Variants in TSPEAR observed in about 807,000 individuals in gnomAD.
The protein encoded by TSPEAR is thrombospondin-type laminin G domain and EAR repeat-containing protein.
Under a neutral mutation model 71.6 loss-of-function variants are expected in TSPEAR, and 69 were observed. The ratio of observed to expected loss-of-function variants is 0.96; its 90% CI spans 0.79 to 1.18. TSPEAR has a LOEUF of 1.18. Among genes scored for constraint, TSPEAR ranks in the 50% most tolerant of loss-of-function variants. The pLI is 0.00. For missense variants in TSPEAR, 971 were observed against 894.9 expected, an observed-to-expected ratio of 1.09 and a Z score of -1.09; for synonymous variants, 402 against 387.2, an observed-to-expected ratio of 1.04 and a Z score of -0.45.
At chr21:44,709,670 G>A (rs561459960) in intron 1 of TSPEAR, among the ~76,000 whole-genome samples, 4 of 152,362 alleles carry the variant, frequency 2.6e-5, no homozygotes, top group East Asian at 1.9e-4. Flanking sequence ...AAGCTGAGAC[G>A]GCGCAGCCAC....
At chr21:44,637,441 C>T (rs1555936985) in intron 1 of TSPEAR, 10 of 1,610,354 alleles carry the variant, frequency 6.2e-6, no homozygotes, top group Non-Finnish European at 1.7e-6. Context: ...CCATGTCCAT[C>T]TGCTCCAGCG....
chr21:44,668,911 G>A (rs1985920024), intron 1 of TSPEAR, among the ~76,000 whole-genome samples: 1 of 152,204 alleles, frequency 6.6e-6, no homozygotes, highest in South Asian at 2.1e-4. Flanking sequence ...GAGAATCTCA[G>A]TAGGGAAATT....
chr21:44,512,149 T>A (rs2052403960), intron 9 of TSPEAR, among the ~76,000 whole-genome samples: 1 of 151,892 alleles, frequency 6.6e-6, no homozygotes, highest in Non-Finnish European at 1.5e-5. Context: ...GCACACAGAG[T>A]GCGGAGCAGG....
intron 1 of TSPEAR, among the ~76,000 whole-genome samples, chr21:44,602,330 G>A (rs1980999597): frequency 1.3e-5 from 2 of 152,210 alleles, no homozygotes; most frequent in South Asian, 2.1e-4. Flanking sequence ...ATGTCCGAGG[G>A]GTAGGCAGGA....
At chr21:44,701,775 T>C (rs1463559656) in intron 1 of TSPEAR, among the ~76,000 whole-genome samples, 1 of 109,332 alleles carries the variant, frequency 9.1e-6, no homozygotes, top group African/African-American at 3.0e-5. Context: ...CACCTGCCAC[T>C]CCCCTCCGGC....
intron 1 of TSPEAR, among the ~76,000 whole-genome samples, chr21:44,575,789 G>A (rs1434388162): frequency 6.6e-6 from 1 of 152,214 alleles, no homozygotes; most frequent in Non-Finnish European, 1.5e-5. Flanking sequence ...CACTGGCATG[G>A]TGGGAGGAAC....
intron 1 of TSPEAR, chr21:44,654,394 A>G: frequency 6.2e-7 from 1 of 1,613,192 alleles, no homozygotes; most frequent in East Asian, 2.2e-5. Context: ...CTTGCAGCTC[A>G]CAGGCACACA....
intron 2 of TSPEAR, among the ~76,000 whole-genome samples, chr21:44,551,754 C>T (rs587600902): frequency 2.2e-4 from 34 of 152,314 alleles, no homozygotes; most frequent in African/African-American, 7.9e-4. Flanking sequence ...CCCCCGGGAA[C>T]ACCAGGAGGG....
chr21:44,626,917 G>C (rs1982828026), intron 1 of TSPEAR, among the ~76,000 whole-genome samples: 1 of 152,128 alleles, frequency 6.6e-6, no homozygotes, highest in East Asian at 1.9e-4. Context: ...GGTTCCACAT[G>C]CAACAGACTA....
At chr21:44,590,241 G>A (rs1452189303) in intron 1 of TSPEAR, among the ~76,000 whole-genome samples, 3 of 152,380 alleles carry the variant, frequency 2.0e-5, no homozygotes, top group East Asian at 3.9e-4. Context: ...CGACCTGGCA[G>A]AAAGAGTGCA....
intron 1 of TSPEAR, among the ~76,000 whole-genome samples, chr21:44,598,521 A>G (rs1222650666): frequency 6.6e-6 from 1 of 150,500 alleles, no homozygotes; most frequent in African/African-American, 2.4e-5. Flanking sequence ...TTGATTATAC[A>G]TTGATTATAC....
At chr21:44,503,075 C>A (rs1158177056) in intron 11 of TSPEAR, among the ~76,000 whole-genome samples, 1 of 141,518 alleles carries the variant, frequency 7.1e-6, no homozygotes, top group African/African-American at 2.7e-5. Flanking sequence ...CTCGGTGAGC[C>A]CTCAGGGGGA....
At chr21:44,653,923 C>T (rs1247800996) in intron 1 of TSPEAR, among the ~76,000 whole-genome samples, 1 of 152,174 alleles carries the variant, frequency 6.6e-6, no homozygotes, top group Non-Finnish European at 1.5e-5. Context: ...TTTCCAGAAT[C>T]CTGGGGAAGG....
chr21:44,652,549 C>T (rs1984873561), intron 1 of TSPEAR, among the ~76,000 whole-genome samples: 2 of 152,170 alleles, frequency 1.3e-5, no homozygotes, highest in Admixed American at 6.5e-5. Context: ...GTACATTCTT[C>T]TGTGAGACTT....
intron 1 of TSPEAR, chr21:44,697,520 CCCGTCTGCTGCAAGA>C: frequency 6.2e-7 from 1 of 1,613,892 alleles, no homozygotes; most frequent in Non-Finnish European, 8.5e-7. Context: ...CTGCTGCGTG[CCCGTCTGCTGCAAGA>C]CTGTCTGCTG....
intron 1 of TSPEAR, among the ~76,000 whole-genome samples, chr21:44,700,622 CT>C (rs1370586410): frequency 6.6e-6 from 1 of 152,234 alleles, no homozygotes; most frequent in Non-Finnish European, 1.5e-5. Flanking sequence ...GCAGTGGGAA[CT>C]TCACGGTTAA....
Position 44,601,609 on chromosome 21 carries a change from G to A in TSPEAR, c.83-33604C>T, listed in dbSNP as rs369025844. ...CTGCGTGCCCGTCCCCTCCTGCTGC[G>A]CCCCCACCTCCTCCTGCCAGGCCAG... On this transcript the variant is annotated intron_variant, in intron 1 of 11. Coordinates refer to ENST00000323084, the MANE Select transcript of TSPEAR (RefSeq NM_144991.3). 2.4e-5 allele frequency: 38 copies of A among 1,613,254 alleles called. No homozygotes were observed. In the Admixed American group the frequency reaches 3.0e-4, roughly 13 times the overall value.
chr21:44,544,753 C>G (rs1218761234), intron 2 of TSPEAR, among the ~76,000 whole-genome samples: 7 of 152,116 alleles, frequency 4.6e-5, no homozygotes, highest in African/African-American at 1.7e-4. Context: ...GAGCCAGCCA[C>G]AGACCAGGAG....
intron 1 of TSPEAR, among the ~76,000 whole-genome samples, chr21:44,669,755 C>T (rs1429243634): frequency 6.6e-6 from 1 of 152,228 alleles, no homozygotes; most frequent in Non-Finnish European, 1.5e-5. Flanking sequence ...TTGGGATGAA[C>T]ATCCGGATGC....
Sources: gnomAD v4.1 joint callset for allele counts (sites outside exome capture counted in the v4.1 genomes callset) on GRCh38, gnomAD v4.1.1 for gene constraint, MANE v1.5 for transcripts, NCBI Gene and HGNC (gene_info 2026-07-23, HGNC 2026-07-21) for gene names.